The following SLX4IP variants were observed in gnomAD, a reference collection of about 807,000 sequenced individuals.
SLX4IP encodes the protein SLX4 interacting protein.
Under a neutral mutation model 32.9 loss-of-function variants are expected in SLX4IP, and 34 were observed. The ratio of observed to expected loss-of-function variants is 1.03; its 90% CI spans 0.79 to 1.38. The LOEUF (loss-of-function observed/expected upper bound fraction) is 1.38, where lower values mean the gene tolerates loss of function less well. SLX4IP is among the 40% of genes most tolerant of loss of function. The pLI, the probability that SLX4IP is intolerant of heterozygous loss-of-function variation, is 0.00. For synonymous variants in SLX4IP, 172 were observed against 171.7 expected, an observed-to-expected ratio of 1.00 and a Z score of -0.01; for missense variants, 444 against 479.0, an observed-to-expected ratio of 0.93 and a Z score of 0.68.
At chr20:10,595,499 G>T (rs1030480457) in intron 4 of SLX4IP, among the ~76,000 whole-genome samples, 15 of 152,162 alleles carry the variant, frequency 9.9e-5, no homozygotes, top group African/African-American at 3.6e-4. Context: ...AAAAGCAAAA[G>T]GACTTTTGGA....
chr20:10,501,334 T>C (rs1309749089), intron 2 of SLX4IP, among the ~76,000 whole-genome samples: 1 of 152,160 alleles, frequency 6.6e-6, no homozygotes, highest in Non-Finnish European at 1.5e-5. Context: ...TTCTTATTTG[T>C]TCTCCCCTCC....
intron 6 of SLX4IP, among the ~76,000 whole-genome samples, chr20:10,610,543 G>C (rs1036131428): frequency 6.6e-6 from 1 of 152,238 alleles, no homozygotes; most frequent in Non-Finnish European, 1.5e-5. Flanking sequence ...CAGAGCATCA[G>C]TATCCTCAAG....
intron 4 of SLX4IP, among the ~76,000 whole-genome samples, chr20:10,598,206 G>C (rs1357822587): frequency 1.3e-5 from 2 of 152,180 alleles, no homozygotes. Flanking sequence ...GAAGAGGCAA[G>C]ATAGTAATGT....
chr20:10,436,346 A>G (rs2065113830), intron 1 of SLX4IP, among the ~76,000 whole-genome samples: 1 of 144,156 alleles, frequency 6.9e-6, no homozygotes, highest in Non-Finnish European at 1.5e-5. Flanking sequence ...GGCTAAAGAT[A>G]CAGCCCTTTC....
At chr20:10,469,649 A>G (rs1053760824) in intron 2 of SLX4IP, among the ~76,000 whole-genome samples, 4 of 152,352 alleles carry the variant, frequency 2.6e-5, no homozygotes, top group African/African-American at 7.2e-5. Context: ...ATCTCTTACC[A>G]AATAGATGAA....
At chr20:10,496,185 G>A (rs1010555912) in intron 2 of SLX4IP, among the ~76,000 whole-genome samples, 1 of 152,042 alleles carries the variant, frequency 6.6e-6, no homozygotes, top group Admixed American at 6.6e-5. Flanking sequence ...GCTTATGCAT[G>A]TGTCTGGGAT....
At chr20:10,488,255 A>T (rs680717) in intron 2 of SLX4IP, among the ~76,000 whole-genome samples, 6 of 152,066 alleles carry the variant, frequency 3.9e-5, no homozygotes, top group African/African-American at 1.4e-4. Context: ...AATATGACTG[A>T]TGTTCCTATA....
chr20:10,607,142 T>G (rs2066914334), intron 6 of SLX4IP, among the ~76,000 whole-genome samples: 1 of 152,232 alleles, frequency 6.6e-6, no homozygotes, highest in Non-Finnish European at 1.5e-5. Context: ...ATTATGCTAA[T>G]TATAGTCTTT....
At chr20:10,493,565 C>G (rs201343327) in intron 2 of SLX4IP, among the ~76,000 whole-genome samples, 1 of 150,684 alleles carries the variant, frequency 6.6e-6, no homozygotes. Flanking sequence ...TCTTTTTTTT[C>G]AGCCCTTTTA....
At position 10,546,246 on chromosome 20, in the gene SLX4IP, A is replaced by G. The variant is rs200183269; in HGVS notation, c.28-9985A>G. ...AGTCAGGGGCCTTACGGACGAGTAC[A>G]TTGCAGTTTCTGTCAGGTTGTCTTT... On this transcript the variant is annotated intron_variant, in intron 2 of 7. Coordinates refer to ENST00000334534, the MANE Select transcript of SLX4IP (RefSeq NM_001009608.3). Among the ~76,000 whole-genome samples, 4 of 152,296 alleles carry G rather than the reference A, an allele frequency of 2.6e-5. No individual in the cohort carries two copies. In the East Asian group the frequency reaches 7.7e-4, roughly 29 times the overall value.
chr20:10,597,347 C>T (rs552236896), intron 4 of SLX4IP, among the ~76,000 whole-genome samples: 104 of 152,210 alleles, frequency 6.8e-4, no homozygotes, highest in Non-Finnish European at 1.1e-3. Flanking sequence ...TAACCAGGAA[C>T]GGTTTTACTG....
chr20:10,620,674 C>T (rs2067099153), intron 6 of SLX4IP, among the ~76,000 whole-genome samples: 1 of 152,158 alleles, frequency 6.6e-6, no homozygotes, highest in Non-Finnish European at 1.5e-5. Flanking sequence ...CTGCCTCAAC[C>T]TCCCAAGTAG....
intron 2 of SLX4IP, among the ~76,000 whole-genome samples, chr20:10,477,760 T>A (rs1449381491): frequency 6.6e-6 from 1 of 152,240 alleles, no homozygotes; most frequent in Admixed American, 6.5e-5. Context: ...CTTAGCTTAA[T>A]TAGTAATCAA....
intron 2 of SLX4IP, among the ~76,000 whole-genome samples, chr20:10,550,402 C>A (rs1312939659): frequency 6.6e-6 from 1 of 152,172 alleles, no homozygotes; most frequent in African/African-American, 2.4e-5. Context: ...GGACCACATG[C>A]CTTGGGCCTC....
At chr20:10,579,454 GTC>G (rs1337011005) in intron 4 of SLX4IP, among the ~76,000 whole-genome samples, 1 of 150,866 alleles carries the variant, frequency 6.6e-6, no homozygotes, top group East Asian at 2.0e-4. Context: ...TTCAGACAGA[GTC>G]TCTCTCTGTC....
Position 10,598,758 on chromosome 20 carries a change from AAGC to A in SLX4IP, c.316+7_316+9del, listed in dbSNP as rs1568763207. On this transcript the variant is annotated splice_region_variant and intron_variant, in intron 5 of 7. Coordinates refer to ENST00000334534, the MANE Select transcript of SLX4IP (RefSeq NM_001009608.3). ...CAGGAGCACACAGAATGCTGGTAAG[AAGC>A]CGATTTCTTGGTTTGTCAGACATTT... 1 of 1,613,836 alleles carries A rather than the reference AAGC, an allele frequency of 6.2e-7. No homozygotes were observed. The highest frequency in any genetic ancestry group is 8.5e-7 in the Non-Finnish European group (1 of 1,179,752).
At chr20:10,538,901 TG>T (rs1466310288) in intron 2 of SLX4IP, among the ~76,000 whole-genome samples, 2 of 152,192 alleles carry the variant, frequency 1.3e-5, no homozygotes, top group African/African-American at 4.8e-5. Flanking sequence ...TGGCACACAG[TG>T]GATTGCAGCC....
chr20:10,510,740 G>A (rs1348234505), intron 2 of SLX4IP, among the ~76,000 whole-genome samples: 8 of 151,934 alleles, frequency 5.3e-5, no homozygotes, highest in Admixed American at 3.9e-4. Flanking sequence ...AAGTAGCTGG[G>A]ACTACAGGCG....
rs1448795921 is a variant in SLX4IP, at chr20:10,626,681, G to A, written c.*3302G>A. The A allele has an allele frequency of 2.0e-5, 3 of 152,184 alleles. No individual in the cohort carries two copies. The highest frequency in any genetic ancestry group is 4.4e-5 in the Non-Finnish European group (3 of 68,036). The allele number at this position is 152,184 out of a possible 1,614,324, so 9.4% of individuals were successfully genotyped here. A position where few individuals can be genotyped will look rare whatever the true frequency, so the allele number is the denominator to read the frequency against. Reference sequence around the variant, plus strand: ...TCACATTTTCTTATCTTTGCCACTGGAGGTTAACTGTCGTCCAGATATGCA... The same window carrying A: ...TCACATTTTCTTATCTTTGCCACTGAAGGTTAACTGTCGTCCAGATATGCA... On this transcript the variant is annotated 3_prime_UTR_variant, in exon 8 of 8. Coordinates refer to ENST00000334534, the MANE Select transcript of SLX4IP (RefSeq NM_001009608.3).
Sources: allele counts gnomAD v4.1 joint callset (sites outside exome capture counted in the v4.1 genomes callset), GRCh38; gene constraint gnomAD v4.1.1; transcripts MANE v1.5; gene names NCBI Gene and HGNC (gene_info 2026-07-23, HGNC 2026-07-21).